ZNF69: variants seen among roughly 807,000 people sequenced by gnomAD.
The protein encoded by ZNF69 is zinc finger protein 69.
ZNF69 carries 47 observed loss-of-function variants against 50.9 expected under a neutral mutation model. That is an observed-to-expected ratio of 0.92 (90% confidence interval 0.73 to 1.18). ZNF69 has a LOEUF of 1.18. Ranked by LOEUF, ZNF69 falls within the 50% of genes most tolerant of loss-of-function variation. The pLI is 0.00. For synonymous variants in ZNF69, 216 were observed against 223.1 expected, an observed-to-expected ratio of 0.97 and a Z score of 0.29; for missense variants, 717 against 675.1, an observed-to-expected ratio of 1.06 and a Z score of -0.69.
At chr19:11,974,007 C>T in the ZNF69 span, among the ~76,000 whole-genome samples, 1 of 152,086 alleles carries the variant, frequency 6.6e-6, no homozygotes, top group Non-Finnish European at 1.5e-5. Flanking sequence ...GGGATTTAGG[C>T]TACCCCACCA....
At chr19:11,922,082 G>A in the ZNF69 span, among the ~76,000 whole-genome samples, 1 of 151,488 alleles carries the variant, frequency 6.6e-6, no homozygotes, top group Non-Finnish European at 1.5e-5. Flanking sequence ...AAGGCCAAAG[G>A]AATGGGCTCC....
the ZNF69 span, among the ~76,000 whole-genome samples, chr19:11,920,715 G>A: frequency 4.6e-5 from 7 of 152,096 alleles, no homozygotes; most frequent in African/African-American, 9.6e-5. Flanking sequence ...TGGTGAAACC[G>A]CATCTCTACC....
chr19:11,969,525 C>G, the ZNF69 span, among the ~76,000 whole-genome samples: 4 of 152,186 alleles, frequency 2.6e-5, no homozygotes, highest in Non-Finnish European at 5.9e-5. Flanking sequence ...TAGTAATTTT[C>G]ACGAGTTGTA....
chr19:11,934,902 C>T, the ZNF69 span, among the ~76,000 whole-genome samples: 23 of 146,942 alleles, frequency 1.6e-4, no homozygotes, highest in Middle Eastern at 3.4e-3. Context: ...AGTCTTTGGT[C>T]GGGTGCGGTG....
chr19:11,924,332 C>T, the ZNF69 span, among the ~76,000 whole-genome samples: 22 of 148,826 alleles, frequency 1.5e-4, no homozygotes, highest in South Asian at 4.4e-3. Context: ...CTCCGGAGGC[C>T]GAGGTAAGAG....
intron 4 of ZNF69, among the ~76,000 whole-genome samples, chr19:11,912,553 C>G (rs1375872656): frequency 6.6e-6 from 1 of 152,040 alleles, no homozygotes; most frequent in Non-Finnish European, 1.5e-5. Flanking sequence ...GTGCGAAAGC[C>G]TTTATTTCTT....
Position 11,905,081 on chromosome 19 carries a change from C to T in ZNF69, c.684C>T (p.Ala228=), listed in dbSNP as rs946651872. Residue 228 remains alanine, a synonymous_variant, in exon 4 of 4, where the codon GCC becomes GCT. Transcript: ENST00000429654. The stretch of plus-strand genomic sequence containing the variant: ...ATAAATGTAAATTTTGTGGGAAAGC[C>T]TTCCATTGTCTCAGTTTATATCTTA... The part of the protein sequence containing the change: ...GPYKCKFCGK[A]FHCLSLYLIH... The T allele has an allele frequency of 6.2e-7, 1 of 1,614,136 alleles. No homozygotes were observed. Among genetic ancestry groups the T allele is most frequent in the African/African-American group, 1.3e-5 (1 of 75,028 alleles).
At chr19:11,966,923 G>A in the ZNF69 span, among the ~76,000 whole-genome samples, 1 of 152,258 alleles carries the variant, frequency 6.6e-6, no homozygotes, top group East Asian at 1.9e-4. Context: ...TGGAAGTTAA[G>A]TTCTGGCTTT....
At chr19:11,948,548 T>G in the ZNF69 span, 1 of 1,610,458 alleles carries the variant, frequency 6.2e-7, no homozygotes, top group Non-Finnish European at 8.5e-7. Context: ...AAGAAAGCCT[T>G]CAGGTATCGC....
At chr19:11,891,487 G>A (rs1414227974) in intron 1 of ZNF69, among the ~76,000 whole-genome samples, 1 of 152,058 alleles carries the variant, frequency 6.6e-6, no homozygotes, top group Non-Finnish European at 1.5e-5. Flanking sequence ...CTGTTACAGA[G>A]TAGGGCATCC....
the ZNF69 span, chr19:11,925,396 T>G: frequency 6.8e-7 from 1 of 1,467,074 alleles, no homozygotes; most frequent in Non-Finnish European, 9.1e-7. Context: ...CGAGTCCTCC[T>G]TGAGCAGTTC....
At chr19:11,910,569 GA>G (rs1459642449), downstream of ZNF69, among the ~76,000 whole-genome samples, 1 of 152,178 alleles carries the variant, frequency 6.6e-6, no homozygotes, top group African/African-American at 2.4e-5. Flanking sequence ...AAGAAATGGG[GA>G]AAGGATTCCC....
At chr19:11,946,338 G>A in the ZNF69 span, among the ~76,000 whole-genome samples, 10 of 152,212 alleles carry the variant, frequency 6.6e-5, no homozygotes, top group South Asian at 2.1e-3. Flanking sequence ...CTCAGGAGTG[G>A]GGAGTCTCTC....
chr19:11,936,479 A>G, the ZNF69 span, among the ~76,000 whole-genome samples: 1 of 152,148 alleles, frequency 6.6e-6, no homozygotes, highest in Non-Finnish European at 1.5e-5. Context: ...GGCTGCATAA[A>G]TGTCTTCTTT....
the ZNF69 span, among the ~76,000 whole-genome samples, chr19:11,948,100 A>G: frequency 7.2e-5 from 11 of 152,180 alleles, no homozygotes; most frequent in African/African-American, 2.7e-4. Context: ...TTTTTTAAAC[A>G]ATAGGTATGG....
chr19:11,932,983 C>A, the ZNF69 span, among the ~76,000 whole-genome samples: 2 of 148,472 alleles, frequency 1.3e-5, no homozygotes, highest in African/African-American at 5.2e-5. Context: ...CAGTTATGAA[C>A]CTTACATGGA....
Position 11,904,781 on chromosome 19 carries a change from C to G in ZNF69, c.384C>G (p.Ser128Arg). ...CTCCTGAAATAAAATCATGTGACAG[C>G]TTTGTGTGTGGAGAAGTTGGCCTAG... ...KASPEIKSCDSFVCGEVGLGN... is the reference protein window; with the variant it reads ...KASPEIKSCDRFVCGEVGLGN... The change falls in exon 4 of 4, where the codon AGC becomes AGG. Residue 128 changes from serine (S) to arginine (R), a missense_variant. Coordinates refer to ENST00000429654, the MANE Select transcript of ZNF69 (RefSeq NM_001364730.1). 2 of 1,613,928 alleles carry G rather than the reference C, an allele frequency of 1.2e-6. No individual in the cohort carries two copies. Among genetic ancestry groups the G allele is most frequent in the Non-Finnish European group, 1.7e-6 (2 of 1,179,908 alleles).
chr19:11,934,884 AT>A, the ZNF69 span, among the ~76,000 whole-genome samples: 1 of 147,540 alleles, frequency 6.8e-6, no homozygotes, highest in South Asian at 2.1e-4. Flanking sequence ...TATGTTTGCC[AT>A]AATTACAGTC....
At chr19:11,895,226 C>T (rs1426737378) in intron 1 of ZNF69, among the ~76,000 whole-genome samples, 1 of 152,202 alleles carries the variant, frequency 6.6e-6, no homozygotes, top group East Asian at 1.9e-4. Flanking sequence ...AGGTAAGACA[C>T]AGAAGAGGCA....
Sources: gnomAD v4.1 joint callset for allele counts (sites outside exome capture counted in the v4.1 genomes callset) on GRCh38, gnomAD v4.1.1 for gene constraint, MANE v1.5 for transcripts, NCBI Gene and HGNC (gene_info 2026-07-23, HGNC 2026-07-21) for gene names.